The following PCDHA12 variants were observed in gnomAD, a reference collection of about 807,000 sequenced individuals.
PCDHA12 encodes protocadherin alpha 12.
PCDHA12 carries 44 observed loss-of-function variants against 60.0 expected under a neutral mutation model. The observed-to-expected ratio is 0.73, with a 90% CI of 0.58 to 0.94. PCDHA12 has a LOEUF of 0.94. Among genes scored for constraint, PCDHA12 ranks in the 40% least tolerant of loss-of-function variants. The pLI, the probability that PCDHA12 is intolerant of heterozygous loss-of-function variation, is 0.00. For missense variants in PCDHA12, 1,276 were observed against 1,239.7 expected, an observed-to-expected ratio of 1.03 and a Z score of -0.44; for synonymous variants, 569 against 553.0, an observed-to-expected ratio of 1.03 and a Z score of -0.40.
rs782525734 is a variant in PCDHA12 at position 140,884,093 on chromosome 5, T to A, written c.2367+6254T>A. 3.1e-6 allele frequency: 5 copies of A among 1,613,500 alleles called. No homozygotes were observed. In the Admixed American group the frequency reaches 8.3e-5, roughly 27 times the overall value. ...TTCGGGCTACAATGCGTGGCTTTCGTATGAATTGCAGCTGGCGGCGGTCGG... is the reference window on the plus strand; with the variant it reads ...TTCGGGCTACAATGCGTGGCTTTCGAATGAATTGCAGCTGGCGGCGGTCGG... On this transcript the variant is annotated intron_variant, in intron 1 of 3. Coordinates refer to ENST00000398631, the MANE Select transcript of PCDHA12 (RefSeq NM_018903.4).
At chr5:140,989,321 C>T (rs898791820) in intron 3 of PCDHA12, among the ~76,000 whole-genome samples, 2 of 152,296 alleles carry the variant, frequency 1.3e-5, no homozygotes, top group Non-Finnish European at 1.5e-5. Context: ...GTCTCACCAA[C>T]TTTGCCACCT....
chr5:140,992,017 CTGTGTGTGTG>C (rs10602499), intron 3 of PCDHA12, among the ~76,000 whole-genome samples: 1 of 145,512 alleles, frequency 6.9e-6, no homozygotes, highest in Non-Finnish European at 1.5e-5. Context: ...AGAGGTGGCT[CTGTGTGTGTG>C]TGTGTGTGTG....
At chr5:140,966,973 G>A (rs782189736) in intron 1 of PCDHA12, 9 of 1,602,936 alleles carry the variant, frequency 5.6e-6, no homozygotes, top group African/African-American at 4.0e-5. Flanking sequence ...GGCTTGAGCT[G>A]CGGCGCTTGG....
intron 1 of PCDHA12, among the ~76,000 whole-genome samples, chr5:140,918,164 G>T (rs1156404209): frequency 6.6e-6 from 1 of 152,088 alleles, no homozygotes; most frequent in East Asian, 1.9e-4. Context: ...TATTGTAAAT[G>T]GCATTGTGTT....
intron 1 of PCDHA12, among the ~76,000 whole-genome samples, chr5:140,940,729 C>G (rs545285188): frequency 8.9e-4 from 136 of 152,326 alleles, no homozygotes; most frequent in African/African-American, 3.2e-3. Context: ...TTCAGCTGGA[C>G]AGCTCCATAT....
rs1472769366 is a variant in PCDHA12, at chr5:140,928,640, T to C, written c.2368-50309T>C. On this transcript the variant is annotated intron_variant, in intron 1 of 3. Transcript: ENST00000398631. ...AGGACTGGACACTTGGTCACAAAAG[T>C]GGTAGCAGAGGATGCTGACAGTGGT... The C allele has an allele frequency of 1.2e-6, 2 of 1,614,096 alleles. No individual in the cohort carries two copies. Among genetic ancestry groups the C allele is most frequent in the African/African-American group, 2.7e-5 (2 of 74,930 alleles).
At chr5:140,887,100 T>TC (rs1231390589) in intron 1 of PCDHA12, among the ~76,000 whole-genome samples, 2 of 151,232 alleles carry the variant, frequency 1.3e-5, no homozygotes, top group Non-Finnish European at 2.9e-5. Flanking sequence ...TATCTTTATC[T>TC]CTTTTTTTTT....
chr5:140,914,783 A>G (rs1445627539), intron 1 of PCDHA12, among the ~76,000 whole-genome samples: 1 of 151,972 alleles, frequency 6.6e-6, no homozygotes, highest in Admixed American at 6.6e-5. Context: ...TTATCTTATG[A>G]CCCATTATTT....
At chr5:140,884,496 G>T (rs782182672) in intron 1 of PCDHA12, 1 of 1,614,094 alleles carries the variant, frequency 6.2e-7, no homozygotes, top group Non-Finnish European at 8.5e-7. Flanking sequence ...GTGTGCTCCA[G>T]CGCGGCAGGG....
intron 1 of PCDHA12, among the ~76,000 whole-genome samples, chr5:140,952,925 G>T (rs144855694): frequency 8.2e-4 from 125 of 152,200 alleles, no homozygotes; most frequent in African/African-American, 2.8e-3. Flanking sequence ...GGCATGAGCA[G>T]GAGCAGGAGC....
At chr5:140,981,001 C>A (rs2096914160) in intron 2 of PCDHA12, among the ~76,000 whole-genome samples, 1 of 151,906 alleles carries the variant, frequency 6.6e-6, no homozygotes, top group Non-Finnish European at 1.5e-5. Flanking sequence ...CTAGTAGGAT[C>A]CAGGAACACT....
At chr5:140,941,194 T>TCTTC (rs781904538) in intron 1 of PCDHA12, among the ~76,000 whole-genome samples, 2 of 112,354 alleles carry the variant, frequency 1.8e-5, no homozygotes, top group Non-Finnish European at 3.8e-5. Context: ...TCTTTTTTTT[T>TCTTC]CTTTCTTCCT....
At chr5:140,922,437 T>C (rs1462386336) in intron 1 of PCDHA12, among the ~76,000 whole-genome samples, 1 of 152,194 alleles carries the variant, frequency 6.6e-6, no homozygotes, top group African/African-American at 2.4e-5. Flanking sequence ...GGCAGAACTC[T>C]CTCATTATCC....
intron 1 of PCDHA12, among the ~76,000 whole-genome samples, chr5:140,972,660 ATTTTTTTT>A (rs11350929): frequency 6.0e-5 from 7 of 117,270 alleles, no homozygotes; most frequent in African/African-American, 2.0e-4. Flanking sequence ...AAGAAACCAA[ATTTTTTTT>A]TTTTTTTTTT....
At chr5:140,878,562 T>C (rs2057643889) in intron 1 of PCDHA12, among the ~76,000 whole-genome samples, 1 of 152,210 alleles carries the variant, frequency 6.6e-6, no homozygotes, top group Non-Finnish European at 1.5e-5. Context: ...CCCAAACTTA[T>C]CATAGTATAC....
intron 1 of PCDHA12, chr5:140,884,494 C>A: frequency 6.2e-7 from 1 of 1,614,068 alleles, no homozygotes; most frequent in Non-Finnish European, 8.5e-7. Context: ...TAGTGTGCTC[C>A]AGCGCGGCAG....
intron 2 of PCDHA12, among the ~76,000 whole-genome samples, chr5:140,981,605 C>CT (rs1444386694): frequency 1.1e-4 from 17 of 152,174 alleles, no homozygotes; most frequent in African/African-American, 2.9e-4. Context: ...AAATGTTCCT[C>CT]TAATTTTGAT....
chr5:140,943,257 C>CAAAAAAAA (rs1238620023), intron 1 of PCDHA12, among the ~76,000 whole-genome samples: 2 of 77,482 alleles, frequency 2.6e-5, no homozygotes, highest in Admixed American at 1.5e-4. Flanking sequence ...GACTCTGTCT[C>CAAAAAAAA]AAAAAAAAAA....
intron 1 of PCDHA12, chr5:140,966,173 A>C (rs2095976741): frequency 5.4e-6 from 1 of 184,728 alleles, no homozygotes; most frequent in Admixed American, 6.2e-5. Context: ...TTTCCTGGGG[A>C]GCTGATAGCC....
Sources: allele counts gnomAD v4.1 joint callset (sites outside exome capture counted in the v4.1 genomes callset), GRCh38; gene constraint gnomAD v4.1.1; transcripts MANE v1.5; gene names NCBI Gene and HGNC (gene_info 2026-07-23, HGNC 2026-07-21).